Variants in FHIP2A observed in about 807,000 individuals in gnomAD.
FHIP2A encodes the protein FHF complex subunit HOOK interacting protein 2A, also known as family with sequence similarity 160 member B1.
Under a neutral mutation model 93.5 loss-of-function variants are expected in FHIP2A, and 46 were observed. That is an observed-to-expected ratio of 0.49 (90% CI 0.39 to 0.63). The LOEUF is 0.63. FHIP2A is among the 20% of genes least tolerant of loss of function. FHIP2A has a pLI of 0.00. For missense variants in FHIP2A, 769 were observed against 909.7 expected (o/e 0.85, Z 1.99); for synonymous variants, 332 against 326.5 (o/e 1.02, Z -0.18).
chr10:114,846,134 A>G, intron 9 of FHIP2A, 41 bp from the exon 10 acceptor site: 8 of 1,612,942 alleles, frequency 5.0e-6, no homozygotes, highest in Non-Finnish European at 6.8e-6. Context: ...TCACTGTGTC[A>G]TGTTATTTTT....
chr10:114,843,042 A>G lies in FHIP2A; in HGVS notation c.632A>G (p.Glu211Gly), dbSNP rs774783165. 1.9e-6 allele frequency: 3 copies of G among 1,614,136 alleles called. No homozygotes were observed. The highest frequency in any genetic ancestry group is 2.5e-6 in the Non-Finnish European group (3 of 1,179,978). Residue 211 changes from glutamate to glycine, a missense_variant, in exon 6 of 17, where the codon GAG (glutamate) becomes GGG (glycine). Transcript: ENST00000369248. ...STDTGQSRQP[E>G]ELSGATGMEQ... Reference sequence around the variant, plus strand: ...GATACAGGACAGTCCCGTCAACCAGAGGAACTATCTGGTGCTACTGGAATG... The same window carrying G: ...GATACAGGACAGTCCCGTCAACCAGGGGAACTATCTGGTGCTACTGGAATG...
intron 15 of FHIP2A, 62 bp downstream of exon 15, chr10:114,860,951 TATC>T: frequency 6.9e-7 from 1 of 1,457,034 alleles, no homozygotes; most frequent in Non-Finnish European, 9.6e-7. Flanking sequence ...AATATGTTAA[TATC>T]ATTGTATGCA....
chr10:114,856,264 C>T (rs1245578439), intron 14 of FHIP2A, among the ~76,000 whole-genome samples: 1 of 151,960 alleles, frequency 6.6e-6, no homozygotes, highest in Non-Finnish European at 1.5e-5. Context: ...TTGTTTCTGA[C>T]GGTAATCTCT....
chr10:114,823,219 A>G (rs964437792), intron 1 of FHIP2A, among the ~76,000 whole-genome samples: 1 of 152,234 alleles, frequency 6.6e-6, no homozygotes. Flanking sequence ...AAACTTTAGT[A>G]CAATTGTTAT....
downstream of FHIP2A, chr10:114,864,719 G>A (rs747090640): frequency 7.3e-5 from 71 of 978,408 alleles, no homozygotes; most frequent in Non-Finnish European, 8.1e-5. Context: ...TAAACAAAAC[G>A]TCTTATGTTT....
intron 16 of FHIP2A, among the ~76,000 whole-genome samples, chr10:114,888,416 TG>T (rs1284632783): frequency 6.6e-6 from 1 of 152,078 alleles, no homozygotes; most frequent in South Asian, 2.1e-4. Context: ...TTATCCAGTT[TG>T]GGGAAGTGGA....
chr10:114,892,514 T>A (rs2083980273), intron 16 of FHIP2A, among the ~76,000 whole-genome samples: 1 of 152,098 alleles, frequency 6.6e-6, no homozygotes, highest in Non-Finnish European at 1.5e-5. Flanking sequence ...GGCGGGCACC[T>A]GCAGTACCAG....
chr10:114,891,599 A>ATGTG (rs545699733), intron 16 of FHIP2A, among the ~76,000 whole-genome samples: 1 of 141,840 alleles, frequency 7.1e-6, no homozygotes, highest in Non-Finnish European at 1.5e-5. Flanking sequence ...GTGTGTATAT[A>ATGTG]TGTGTGTGTG....
Position 114,855,334 on chromosome 10 carries a change from T to C in FHIP2A, c.1941T>C (p.Leu647=). 1 of 1,613,424 alleles carries C rather than the reference T, an allele frequency of 6.2e-7. No individual in the cohort carries two copies. Among genetic ancestry groups the C allele is most frequent in the East Asian group, 2.2e-5 (1 of 44,860 alleles). Residue 647 remains leucine, a synonymous_variant, in exon 14 of 17, where the codon CTT becomes CTC. Transcript: ENST00000369248. ...KVLFDRMGRI[L]DQPYDVNLQV... ...TGTTCGACAGAATGGGAAGAATTCT[T>C]GATCAGGTAATACATTTTAAAATAC... is the stretch of plus-strand genomic sequence containing the variant.
chr10:114,844,613 A>C (rs548845889), intron 7 of FHIP2A, among the ~76,000 whole-genome samples: 73 of 152,302 alleles, frequency 4.8e-4, no homozygotes, highest in African/African-American at 1.7e-3. Context: ...GGGCAGGAAG[A>C]GAAGTAGTCC....
chr10:114,862,776 T>C lies in FHIP2A; in HGVS notation c.*1236T>C. 1 of 985,464 alleles carries C rather than the reference T, an allele frequency of 1.0e-6. No individual in the cohort carries two copies. The highest frequency in any genetic ancestry group is 1.2e-6 in the Non-Finnish European group (1 of 829,936). 61.0% of individuals were successfully genotyped at this position (985,464 alleles called of 1,614,324 possible). A position where few individuals can be genotyped will look rare whatever the true frequency, so the allele number is the denominator to read the frequency against. On this transcript the variant is annotated 3_prime_UTR_variant, in exon 17 of 17. Transcript: ENST00000369248. The stretch of plus-strand genomic sequence containing the variant: ...AATAATGCTTTTAAGCTATTGTTTG[T>C]TTTTATTTGACATGTTAAGCCGCAG...
At position 114,899,384 on chromosome 10, in the gene FHIP2A, G is replaced by A. The variant is rs552316483; in HGVS notation, c.2193-106G>A. 7.3e-6 allele frequency: 5 copies of A among 684,962 alleles called. No individual in the cohort carries two copies. In the East Asian group the frequency reaches 1.4e-4, roughly 19 times the overall value. The allele number at this position is 684,962 out of a possible 1,614,324, so 42.4% of individuals were successfully genotyped here. Reference sequence around the variant, plus strand: ...TATGTATTGGTTTACATAGTTGAAAGTCCAGGAGTTGGTTAAGCACATAGT... The same window carrying A: ...TATGTATTGGTTTACATAGTTGAAAATCCAGGAGTTGGTTAAGCACATAGT... On this transcript the variant is annotated intron_variant, in intron 16 of 16. Coordinates refer to the FHIP2A transcript ENST00000369250.
At chr10:114,870,652 G>A (rs949763312) in intron 16 of FHIP2A, among the ~76,000 whole-genome samples, 1 of 152,140 alleles carries the variant, frequency 6.6e-6, no homozygotes, top group African/African-American at 2.4e-5. Context: ...AACATCATCC[G>A]TGATGTTCAA....
intron 16 of FHIP2A, among the ~76,000 whole-genome samples, chr10:114,884,765 T>A (rs1208823751): frequency 6.6e-6 from 1 of 151,444 alleles, no homozygotes; most frequent in Non-Finnish European, 1.5e-5. Context: ...ATACAAAAAA[T>A]TAGCTAGGTG....
In FHIP2A at chr10:114,822,544, G is replaced by T. The variant is rs2083539062; in HGVS notation, c.45+421G>T. Among the ~76,000 whole-genome samples the T allele has an allele frequency of 2.0e-5, 3 of 152,250 alleles. No individual in the cohort carries two copies. The South Asian group carries it at 6.2e-4, about 32-fold the overall frequency. On this transcript the variant is annotated intron_variant, in intron 1 of 16. Transcript: ENST00000369248. The stretch of plus-strand genomic sequence containing the variant: ...CCGGAAAAAAAGTGGTCAGCGTTGA[G>T]CAAGACAAAAGAAACGAGCAAGCAC...
intron 16 of FHIP2A, among the ~76,000 whole-genome samples, chr10:114,873,951 GA>G (rs10715018): frequency 0.47 from 69,819 of 148,450 alleles, 16,359 homozygotes; most frequent in Admixed American, 0.52. Flanking sequence ...TCAGGAGGGG[GA>G]AAAAAAAAAA....
intron 15 of FHIP2A, 44 bp downstream of exon 15, chr10:114,860,933 G>A: frequency 1.3e-6 from 2 of 1,554,874 alleles, no homozygotes; most frequent in South Asian, 1.1e-5. Flanking sequence ...TGATAAATCT[G>A]TGCAATTAAT....
Position 114,862,364 on chromosome 10 carries a change from C to G in FHIP2A, c.*824C>G, listed in dbSNP as rs2083805733. On this transcript the variant is annotated 3_prime_UTR_variant, in exon 17 of 17. Transcript: ENST00000369248. ...ACTGGGTTGAGAACCTTTTTCCCCCCTCTCCCTCTCAGAAAATTGCTTTAT... is the reference window on the plus strand; with the variant it reads ...ACTGGGTTGAGAACCTTTTTCCCCCGTCTCCCTCTCAGAAAATTGCTTTAT... The G allele has an allele frequency of 3.0e-6, 3 of 987,120 alleles. No individual in the cohort carries two copies. Among genetic ancestry groups the G allele is most frequent in the Admixed American group, 6.2e-5 (1 of 16,238 alleles). 61.1% of individuals were successfully genotyped at this position (987,120 alleles called of 1,614,324 possible).
intron 6 of FHIP2A, 66 bp from the exon 7 acceptor site, chr10:114,843,675 A>T: frequency 8.4e-7 from 1 of 1,196,176 alleles, no homozygotes; most frequent in Non-Finnish European, 1.1e-6. Context: ...TTTTATGTTG[A>T]ATGTTTTCAA....
Sources: allele counts gnomAD v4.1 joint callset (sites outside exome capture counted in the v4.1 genomes callset), GRCh38; gene constraint gnomAD v4.1.1; transcripts MANE v1.5; gene names NCBI Gene and HGNC (gene_info 2026-07-23, HGNC 2026-07-21).